Variants in ERBB4 observed in about 807,000 individuals in gnomAD.
ERBB4 encodes the protein receptor tyrosine-protein kinase erbB-4.
In ERBB4, 42 loss-of-function variants were observed where a neutral mutation model predicts 158.0. The observed-to-expected ratio is 0.27, with a 90% CI of 0.21 to 0.34. ERBB4 has a LOEUF of 0.34. Among genes scored for constraint, ERBB4 ranks in the 10% least tolerant of loss-of-function variants. ERBB4 has a pLI of 1.00. For missense variants in ERBB4, 1,333 were observed against 1,624.1 expected (o/e 0.82, Z 3.08); for synonymous variants, 583 against 558.7 (o/e 1.04, Z -0.61).
intron 1 of ERBB4, among the ~76,000 whole-genome samples, chr2:212,362,073 A>G (rs932523226): frequency 1.3e-5 from 2 of 151,606 alleles, no homozygotes; most frequent in Admixed American, 6.6e-5. Context: ...CAAATTGTAT[A>G]ATTGAAACTT....
intron 7 of ERBB4, among the ~76,000 whole-genome samples, chr2:211,716,475 G>A (rs2073910481): frequency 6.7e-6 from 1 of 149,420 alleles, no homozygotes; most frequent in South Asian, 2.1e-4. Flanking sequence ...AGGAGATCGA[G>A]ACCATCCCGG....
intron 1 of ERBB4, among the ~76,000 whole-genome samples, chr2:212,204,981 G>T (rs1450659688): frequency 2.7e-5 from 4 of 150,064 alleles, no homozygotes; most frequent in Non-Finnish European, 5.9e-5. Flanking sequence ...ACCACGCCCG[G>T]CTAGTTTTGT....
intron 18 of ERBB4, among the ~76,000 whole-genome samples, chr2:211,622,367 T>G: frequency 6.6e-6 from 1 of 152,148 alleles, no homozygotes; most frequent in East Asian, 1.9e-4. Context: ...CTATGCAAAG[T>G]AGGTACTCAA....
chr2:212,398,743 A>G (rs896750332), intron 1 of ERBB4, among the ~76,000 whole-genome samples: 15 of 152,172 alleles, frequency 9.9e-5, no homozygotes, highest in Non-Finnish European at 1.9e-4. Flanking sequence ...AGTTATGACA[A>G]TAATTCATGA....
intron 1 of ERBB4, among the ~76,000 whole-genome samples, chr2:212,280,000 A>G (rs957986025): frequency 2.6e-5 from 4 of 151,688 alleles, no homozygotes; most frequent in Non-Finnish European, 5.9e-5. Context: ...CAACATCTAG[A>G]ATAATTTTGA....
At chr2:211,573,241 G>A (rs905720166) in intron 19 of ERBB4, among the ~76,000 whole-genome samples, 1 of 152,162 alleles carries the variant, frequency 6.6e-6, no homozygotes, top group East Asian at 1.9e-4. Context: ...GCAGCTGGAG[G>A]AGGCAAGGAA....
chr2:211,632,492 C>G (rs934196842), intron 16 of ERBB4, among the ~76,000 whole-genome samples: 1 of 151,846 alleles, frequency 6.6e-6, no homozygotes, highest in African/African-American at 2.4e-5. Context: ...AGATTCAGAC[C>G]AAACTCTAAA....
intron 25 of ERBB4, among the ~76,000 whole-genome samples, chr2:211,389,488 A>G (rs2062757053): frequency 6.6e-6 from 1 of 152,220 alleles, no homozygotes; most frequent in African/African-American, 2.4e-5. Context: ...CTGCTGGACT[A>G]ATCAAGGGAC....
At chr2:212,209,730 G>T (rs1278341647) in intron 1 of ERBB4, among the ~76,000 whole-genome samples, 2 of 152,032 alleles carry the variant, frequency 1.3e-5, no homozygotes, top group Non-Finnish European at 2.9e-5. Context: ...AATCCAATAG[G>T]CTGGTTTTCA....
intron 2 of ERBB4, among the ~76,000 whole-genome samples, chr2:212,112,970 CA>C (rs2125544057): frequency 6.6e-6 from 1 of 152,176 alleles, no homozygotes; most frequent in Admixed American, 6.5e-5. Flanking sequence ...CATAAATTGA[CA>C]AAAATGCACA....
chr2:211,700,029 AT>A (rs1407793938), intron 12 of ERBB4, among the ~76,000 whole-genome samples: 3 of 151,918 alleles, frequency 2.0e-5, no homozygotes, highest in South Asian at 2.1e-4. Context: ...AAGAGGAAGA[AT>A]TTTTTTTCTG....
intron 3 of ERBB4, among the ~76,000 whole-genome samples, chr2:211,905,744 G>GTATGTATA (rs2079374347): frequency 8.4e-6 from 1 of 119,388 alleles, no homozygotes; most frequent in Non-Finnish European, 1.8e-5. Flanking sequence ...GCATGTGTGT[G>GTATGTATA]TATATATATA....
At chr2:211,652,398 T>C (rs1018021955) in intron 16 of ERBB4, among the ~76,000 whole-genome samples, 9 of 152,196 alleles carry the variant, frequency 5.9e-5, no homozygotes, top group African/African-American at 2.4e-5. Context: ...AGGATCATAA[T>C]ACAACTGCCA....
chr2:211,424,899 A>G (rs2063592283), intron 22 of ERBB4, among the ~76,000 whole-genome samples: 1 of 152,172 alleles, frequency 6.6e-6, no homozygotes, highest in Non-Finnish European at 1.5e-5. Flanking sequence ...CATGTGAAGT[A>G]GTCACCAACA....
chr2:212,261,091 TCCTC>T (rs1463832051), intron 1 of ERBB4, among the ~76,000 whole-genome samples: 1 of 152,118 alleles, frequency 6.6e-6, no homozygotes, highest in Non-Finnish European at 1.5e-5. Context: ...TGAAGCAGCT[TCCTC>T]CCTGCAAGAT....
intron 1 of ERBB4, among the ~76,000 whole-genome samples, chr2:212,309,493 G>A (rs1311337596): frequency 6.6e-6 from 1 of 150,782 alleles, no homozygotes; most frequent in African/African-American, 2.4e-5. Context: ...ATTATCATGA[G>A]ACTAAAAGAC....
chr2:211,982,820 T>C (rs1055248813), intron 2 of ERBB4, among the ~76,000 whole-genome samples: 4 of 152,206 alleles, frequency 2.6e-5, no homozygotes, highest in African/African-American at 7.2e-5. Context: ...ATAATATTAG[T>C]CATATAAAAA....
chr2:212,298,059 T>C (rs1393573446), intron 1 of ERBB4, among the ~76,000 whole-genome samples: 1 of 151,836 alleles, frequency 6.6e-6, no homozygotes, highest in African/African-American at 2.4e-5. Context: ...TTGAGTAAAA[T>C]GTATTATTAT....
intron 2 of ERBB4, among the ~76,000 whole-genome samples, chr2:212,003,434 A>G (rs368275868): frequency 1.3e-5 from 2 of 151,988 alleles, no homozygotes; most frequent in Non-Finnish European, 2.9e-5. Context: ...AACATGAACA[A>G]AAGAGATACA....
Sources: gnomAD v4.1 joint callset for allele counts (sites outside exome capture counted in the v4.1 genomes callset) on GRCh38, gnomAD v4.1.1 for gene constraint, MANE v1.5 for transcripts, NCBI Gene and HGNC (gene_info 2026-07-23, HGNC 2026-07-21) for gene names.